EEF1AKMT2: variants seen among roughly 807,000 people sequenced by gnomAD.
EEF1AKMT2 encodes EEF1A lysine methyltransferase 2.
In EEF1AKMT2, 32 loss-of-function variants were observed where a neutral mutation model predicts 35.8. The ratio of observed to expected loss-of-function variants is 0.89; its 90% CI spans 0.67 to 1.20. The LOEUF (loss-of-function observed/expected upper bound fraction) is 1.20. EEF1AKMT2 is among the 50% of genes most tolerant of loss of function. The pLI is 0.00. For synonymous variants in EEF1AKMT2, 121 were observed against 133.7 expected (o/e 0.91, Z 0.65); for missense variants, 330 against 347.5 (o/e 0.95, Z 0.40).
At chr10:124,769,874 A>C (rs1950413528) in intron 4 of EEF1AKMT2, among the ~76,000 whole-genome samples, 1 of 134,544 alleles carries the variant, frequency 7.4e-6, no homozygotes, top group Non-Finnish European at 1.6e-5. Flanking sequence ...TGAAACCGGG[A>C]GGCAGAGGTT....
chr10:124,777,181 A>G (rs1456172377), intron 3 of EEF1AKMT2, among the ~76,000 whole-genome samples: 1 of 150,876 alleles, frequency 6.6e-6, no homozygotes, highest in Non-Finnish European at 1.5e-5. Context: ...CAGGAAGATG[A>G]GGCAGGAGAA....
intron 4 of EEF1AKMT2, among the ~76,000 whole-genome samples, chr10:124,768,560 C>T (rs1484986414): frequency 6.6e-6 from 1 of 152,090 alleles, no homozygotes; most frequent in Non-Finnish European, 1.5e-5. Context: ...GCCTGAGCGA[C>T]GTGCTGAAAT....
chr10:124,767,971 A>T (rs1215220897), intron 4 of EEF1AKMT2, among the ~76,000 whole-genome samples: 1 of 152,224 alleles, frequency 6.6e-6, no homozygotes, highest in Non-Finnish European at 1.5e-5. Flanking sequence ...GGGCAACAAG[A>T]GTGAAACTCC....
At chr10:124,778,938 T>C (rs142371167) in intron 3 of EEF1AKMT2, among the ~76,000 whole-genome samples, 3 of 152,080 alleles carry the variant, frequency 2.0e-5, no homozygotes, top group Non-Finnish European at 4.4e-5. Context: ...AAAGTAACCA[T>C]CAAAAATGTA....
At position 124,774,406 on chromosome 10, in the gene EEF1AKMT2, A is replaced by AAAAAAAAAAAAAAAAAAAAAAAG. The variant is rs1554918000; in HGVS notation, c.399+268_399+269insCTTTTTTTTTTTTTTTTTTTTTT. Among the ~76,000 whole-genome samples the AAAAAAAAAAAAAAAAAAAAAAAG allele has an allele frequency of 6.2e-5, 3 of 48,474 alleles. 1 individual carries two copies. The highest frequency in any genetic ancestry group is 5.5e-4 in the Admixed American group (2 of 3,660). The allele number at this position is 48,474 out of a possible 152,430, so 31.8% of individuals were successfully genotyped here. On this transcript the variant is annotated intron_variant, in intron 4 of 6. Coordinates refer to ENST00000368836, the MANE Select transcript of EEF1AKMT2 (RefSeq NM_212554.4). ...AAAAAAAAAAAAAAAAAAAAAAAAA[A>AAAAAAAAAAAAAAAAAAAAAAAG]AAAACCCTTTTGATCTGGTTAATCC...
At chr10:124,779,746 T>C (rs1281888634) in intron 3 of EEF1AKMT2, among the ~76,000 whole-genome samples, 2 of 8,954 alleles carry the variant, frequency 2.2e-4, no homozygotes, top group Admixed American at 2.8e-3. Context: ...AGACTCCATC[T>C]CAAAAAAAAA....
In EEF1AKMT2 at chr10:124,783,146, T is replaced by C. The variant is rs1950557437; in HGVS notation, c.291+5897A>G. On this transcript the variant is annotated intron_variant, in intron 3 of 6. Coordinates refer to ENST00000368836, the MANE Select transcript of EEF1AKMT2 (RefSeq NM_212554.4). ...GGATATAGGGAAAAACCTTTTTTTTTTTTTTTTTTTTTGAGACAGAGTCTT... is the reference window on the plus strand; with the variant it reads ...GGATATAGGGAAAAACCTTTTTTTTCTTTTTTTTTTTTGAGACAGAGTCTT... Among the ~76,000 whole-genome samples the C allele has an allele frequency of 1.1e-4, 15 of 140,502 alleles. No homozygotes were observed. In the South Asian group the frequency reaches 3.7e-3, roughly 35 times the overall value. The allele number at this position is 140,502 out of a possible 152,430, so 92.2% of individuals were successfully genotyped here.
At chr10:124,785,631 C>T (rs12218858) in intron 3 of EEF1AKMT2, among the ~76,000 whole-genome samples, 81,930 of 151,920 alleles carry the variant, frequency 0.54, 22,688 homozygotes, top group South Asian at 0.65. Flanking sequence ...TGGTGGCTCA[C>T]GCTTGTAATC....
At chr10:124,778,274 A>G (rs1352745093) in intron 3 of EEF1AKMT2, among the ~76,000 whole-genome samples, 1 of 152,190 alleles carries the variant, frequency 6.6e-6, no homozygotes, top group African/African-American at 2.4e-5. Flanking sequence ...GAGGAAAGGA[A>G]ATGAGAATAG....
intron 3 of EEF1AKMT2, among the ~76,000 whole-genome samples, chr10:124,786,669 C>T (rs1950587043): frequency 6.7e-6 from 1 of 149,762 alleles, no homozygotes; most frequent in African/African-American, 2.5e-5. Flanking sequence ...AAAAATTAAC[C>T]AGGCATGGTG....
intron 4 of EEF1AKMT2, among the ~76,000 whole-genome samples, chr10:124,769,182 C>T (rs1438807161): frequency 7.8e-6 from 1 of 127,976 alleles, no homozygotes; most frequent in African/African-American, 2.9e-5. Context: ...AACACCACCG[C>T]ACTCCAGCCT....
At chr10:124,789,240 T>C in intron 2 of EEF1AKMT2, 83 bp from the exon 3 acceptor site, 1 of 830,090 alleles carries the variant, frequency 1.2e-6, no homozygotes, top group Non-Finnish European at 1.9e-6. Context: ...TTATACCATA[T>C]GCTCAAACTC....
At chr10:124,756,532 C>G (rs1176426491), downstream of EEF1AKMT2, among the ~76,000 whole-genome samples, 1 of 152,166 alleles carries the variant, frequency 6.6e-6, no homozygotes, top group Non-Finnish European at 1.5e-5. Context: ...CTAGAGAAGT[C>G]CTTTTAATGA....
chr10:124,778,650 G>A (rs573521226), intron 3 of EEF1AKMT2, among the ~76,000 whole-genome samples: 116 of 151,796 alleles, frequency 7.6e-4, no homozygotes, highest in African/African-American at 2.4e-3. Flanking sequence ...CTTGAACCCC[G>A]GAAGCAGAGG....
chr10:124,778,308 G>A (rs974420695), intron 3 of EEF1AKMT2, among the ~76,000 whole-genome samples: 2 of 152,066 alleles, frequency 1.3e-5, no homozygotes, highest in African/African-American at 2.4e-5. Flanking sequence ...ATGGCATATG[G>A]CTAAGAATAC....
At chr10:124,788,997 TC>T in intron 3 of EEF1AKMT2, 45 bp downstream of exon 3, 1 of 1,421,156 alleles carries the variant, frequency 7.0e-7, no homozygotes, top group Non-Finnish European at 9.8e-7. Flanking sequence ...TTAAAAATTT[TC>T]CTTTTAAAAT....
At chr10:124,765,686 G>GTTAT (rs1950373025) in intron 4 of EEF1AKMT2, 78 bp from the exon 5 acceptor site, 1 of 1,075,208 alleles carries the variant, frequency 9.3e-7, no homozygotes, top group Non-Finnish European at 1.3e-6. Flanking sequence ...CCTGTAAAAG[G>GTTAT]TTATTAATAA....
Position 124,787,652 on chromosome 10 carries a change from G to A in EEF1AKMT2, c.291+1391C>T, listed in dbSNP as rs559156865. Among the ~76,000 whole-genome samples the A allele has an allele frequency of 4.6e-5, 7 of 151,372 alleles. No individual in the cohort carries two copies. In the South Asian group the frequency reaches 8.3e-4, roughly 18 times the overall value. ...TACAAAAAAAATCAAAATATGAGGC[G>A]ACAGGATCGCTTGAGCCTGAGAGGT... On this transcript the variant is annotated intron_variant, in intron 3 of 6. Coordinates refer to ENST00000368836, the MANE Select transcript of EEF1AKMT2 (RefSeq NM_212554.4).
At chr10:124,773,143 C>T (rs976231545) in intron 4 of EEF1AKMT2, among the ~76,000 whole-genome samples, 1 of 152,184 alleles carries the variant, frequency 6.6e-6, no homozygotes, top group African/African-American at 2.4e-5. Context: ...TACCTTTCAA[C>T]TGAACACTTA....
Sources: gnomAD v4.1 joint callset for allele counts (sites outside exome capture counted in the v4.1 genomes callset) on GRCh38, gnomAD v4.1.1 for gene constraint, MANE v1.5 for transcripts, NCBI Gene and HGNC (gene_info 2026-07-23, HGNC 2026-07-21) for gene names.